The following TMEM127 variants were observed in gnomAD, a reference collection of about 807,000 sequenced individuals.
TMEM127 encodes transmembrane protein 127.
In TMEM127, 21 loss-of-function variants were observed where a neutral mutation model predicts 20.1. The observed-to-expected ratio is 1.04, with a 90% CI of 0.74 to 1.50. TMEM127 has a LOEUF of 1.50. Among genes scored for constraint, TMEM127 ranks in the 40% most tolerant of loss-of-function variants. The pLI, the probability that TMEM127 is intolerant of heterozygous loss-of-function variation, is 0.00. For missense variants in TMEM127, 303 were observed against 317.4 expected, an observed-to-expected ratio of 0.95 and a Z score of 0.34; for synonymous variants, 150 against 144.7, an observed-to-expected ratio of 1.04 and a Z score of -0.26.
rs1370524476 is a variant in TMEM127, at chr2:96,249,511, C to G, written c.*4297G>C. On this transcript the variant is annotated 3_prime_UTR_variant, in exon 4 of 4. Coordinates refer to ENST00000258439, the MANE Select transcript of TMEM127 (RefSeq NM_017849.4). ...CAGTGGCTCAAGCCTGTAATCCCAA[C>G]CCTTTGGGAAGGGAGGCAGAAGGAT... 3 of 227,726 alleles carry G rather than the reference C, an allele frequency of 1.3e-5. No homozygotes were observed. The highest frequency in any genetic ancestry group is 5.7e-5 in the Admixed American group (1 of 17,566). 14.1% of individuals were successfully genotyped at this position (227,726 alleles called of 1,614,324 possible).
intron 2 of TMEM127, 44 bp downstream of exon 2, chr2:96,265,094 T>C: frequency 6.2e-7 from 1 of 1,609,500 alleles, no homozygotes; most frequent in South Asian, 1.1e-5. Flanking sequence ...GAACACATTC[T>C]GTCCCCCACC....
In TMEM127 at chr2:96,254,024, G is replaced by C. The variant is rs1269059052; in HGVS notation, c.501C>G (p.Ser167=). 6.2e-7 allele frequency: 1 copy of C among 1,614,148 alleles called. No homozygotes were observed. Among genetic ancestry groups the C allele is most frequent in the Non-Finnish European group, 8.5e-7 (1 of 1,180,012 alleles). ...TAACGGCGAAGGTGACATAGACCTG[G>C]GATCCATGGTACTTCTTATGCTGCT... The part of the protein sequence containing the change: ...QQQQHKKYHG[S]QVYVTFAVSF... Residue 167 remains serine, a synonymous_variant, in exon 4 of 4, where the codon TCC becomes TCG. Transcript: ENST00000258439.
rs1684054289 is a variant in TMEM127, at chr2:96,250,007, T to G, written c.*3801A>C. 4.3e-6 allele frequency: 1 copy of G among 233,298 alleles called. No individual in the cohort carries two copies. Among genetic ancestry groups the G allele is most frequent in the Admixed American group, 5.6e-5 (1 of 17,792 alleles). 14.5% of individuals were successfully genotyped at this position (233,298 alleles called of 1,614,324 possible). On this transcript the variant is annotated 3_prime_UTR_variant, in exon 4 of 4. Transcript: ENST00000258439. ...AGACTGGGGCTCCCGCATTCCCAAC[T>G]CCAGCACCTGGCTGAGACACTGGGC...
rs1390368617 is a variant in TMEM127 at position 96,253,989 on chromosome 2, A to G, written c.536T>C (p.Leu179Pro). Residue 179 changes from leucine (L) to proline (P), a missense_variant, in exon 4 of 4, where the codon CTG becomes CCG. Leu to Pro is a moderately conservative substitution (Grantham distance 98). Transcript: ENST00000258439. This position sits in a 1 kb window ranked among gnomAD's most constrained non-coding sequence, Gnocchi z 4.3. ...VYVTFAVSFY[L>P]VAGAGGASIL... ...TGAGGCTCCACCAGCTCCTGCCACC[A>G]GGTAGAAGCTAACGGCGAAGGTGAC... 1 of 1,614,172 alleles carries G rather than the reference A, an allele frequency of 6.2e-7. No individual in the cohort carries two copies. The highest frequency in any genetic ancestry group is 8.5e-7 in the Non-Finnish European group (1 of 1,180,028).
chr2:96,265,527 A>AGC lies in TMEM127; in HGVS notation c.-131-16_-131-15insGC. The AGC allele has an allele frequency of 9.1e-7, 1 of 1,099,356 alleles. No individual in the cohort carries two copies. Among genetic ancestry groups the AGC allele is most frequent in the Non-Finnish European group, 1.2e-6 (1 of 863,424 alleles). The allele number at this position is 1,099,356 out of a possible 1,614,324, so 68.1% of individuals were successfully genotyped here. A position where few individuals can be genotyped will look rare whatever the true frequency, so the allele number is the denominator to read the frequency against. On this transcript the variant is annotated splice_polypyrimidine_tract_variant and intron_variant, in intron 1 of 3. Coordinates refer to ENST00000258439, the MANE Select transcript of TMEM127 (RefSeq NM_017849.4). ...CCGGGACTGGGCTGTCAGGGTTGAC[A>AGC]CCAGAGGATAGGGGGGTGGGACCCG... is the stretch of plus-strand genomic sequence containing the variant.
rs1684060599 is a variant in TMEM127, at chr2:96,250,293, C to A, written c.*3515G>T. 4.3e-6 allele frequency: 1 copy of A among 232,898 alleles called. No individual in the cohort carries two copies. The allele number at this position is 232,898 out of a possible 1,614,324, so 14.4% of individuals were successfully genotyped here. On this transcript the variant is annotated 3_prime_UTR_variant, in exon 4 of 4. Coordinates refer to ENST00000258439, the MANE Select transcript of TMEM127 (RefSeq NM_017849.4). ...GCTTTTGCTCTTGCCATTCTCTCAG[C>A]AGGAGTGTCCCTATCCCAGTTCACT... is the stretch of plus-strand genomic sequence containing the variant.
chr2:96,255,819 A>G (rs1004832615), intron 2 of TMEM127, among the ~76,000 whole-genome samples: 11 of 147,320 alleles, frequency 7.5e-5, no homozygotes, highest in Non-Finnish European at 1.4e-4. Context: ...CTCTTTGAGG[A>G]AAAAAAAAAA....
intron 2 of TMEM127, among the ~76,000 whole-genome samples, chr2:96,257,574 C>T (rs1453015492): frequency 2.6e-5 from 4 of 152,058 alleles, no homozygotes; most frequent in African/African-American, 7.2e-5. Context: ...AAAGGCTGAA[C>T]CAAAAAGAAA....
intron 2 of TMEM127, 53 bp downstream of exon 2, chr2:96,265,085 A>G (rs1257497257): frequency 6.8e-6 from 11 of 1,607,520 alleles, no homozygotes; most frequent in Non-Finnish European, 9.3e-6. Context: ...CTTCAGCCAG[A>G]ACACATTCTG....
At chr2:96,260,848 T>A (rs750230887) in intron 2 of TMEM127, among the ~76,000 whole-genome samples, 1 of 152,352 alleles carries the variant, frequency 6.6e-6, no homozygotes, top group African/African-American at 2.4e-5. Flanking sequence ...CACTGTGACC[T>A]TTTTAGCTTC....
intron 2 of TMEM127, among the ~76,000 whole-genome samples, chr2:96,255,711 C>A (rs914846250): frequency 6.6e-6 from 1 of 152,054 alleles, no homozygotes; most frequent in Non-Finnish European, 1.5e-5. Context: ...ATGAACTCAA[C>A]ACTTAAAATG....
At chr2:96,255,051 G>C (rs1684177280) in intron 2 of TMEM127, 54 bp from the exon 3 acceptor site, 1 of 1,609,016 alleles carries the variant, frequency 6.2e-7, no homozygotes, top group Non-Finnish European at 8.5e-7. Flanking sequence ...GGTGCAGGAA[G>C]TCCCCACCTA....
rs1573977723 is a variant in TMEM127 at position 96,265,211 on chromosome 2, G to A, written c.171C>T (p.His57=). ...ALAEPAWLHI[H]GGTCSRQELG... Reference sequence around the variant, plus strand: ...GCTCCTGGCGCGAACAGGTGCCTCCGTGGATGTGCAACCAGGCGGGCTCGG... The same window carrying A: ...GCTCCTGGCGCGAACAGGTGCCTCCATGGATGTGCAACCAGGCGGGCTCGG... The change falls in exon 2 of 4, where the codon CAC becomes CAT. Residue 57 remains histidine, a synonymous_variant. Transcript: ENST00000258439. The A allele has an allele frequency of 6.2e-7, 1 of 1,607,124 alleles. No individual in the cohort carries two copies. The highest frequency in any genetic ancestry group is 8.5e-7 in the Non-Finnish European group (1 of 1,178,460).
At position 96,265,520 on chromosome 2, in the gene TMEM127, G is replaced by T. The variant is rs1373193567; in HGVS notation, c.-131-8C>A. On this transcript the variant is annotated splice_polypyrimidine_tract_variant and splice_region_variant and intron_variant, in intron 1 of 3. Transcript: ENST00000258439. The stretch of plus-strand genomic sequence containing the variant: ...GGTGAAGCCGGGACTGGGCTGTCAG[G>T]GTTGACACCAGAGGATAGGGGGGTG... 7 of 1,151,846 alleles carry T rather than the reference G, an allele frequency of 6.1e-6. No homozygotes were observed. Among genetic ancestry groups the T allele is most frequent in the Middle Eastern group, 3.2e-4 (1 of 3,124 alleles). 71.4% of individuals were successfully genotyped at this position (1,151,846 alleles called of 1,614,324 possible). A position where few individuals can be genotyped will look rare whatever the true frequency, so the allele number is the denominator to read the frequency against.
In TMEM127 at chr2:96,252,849, C is replaced by T; in HGVS notation, c.*959G>A. On this transcript the variant is annotated 3_prime_UTR_variant, in exon 4 of 4. Transcript: ENST00000258439. This position sits in a 1 kb window ranked among gnomAD's most constrained non-coding sequence, Gnocchi z 4.2. ...TCCACGAGAAGGCCCCAGGGAGTCACCGTCACTGAGAGGGAAGGGGCCAGG... is the reference window on the plus strand; with the variant it reads ...TCCACGAGAAGGCCCCAGGGAGTCATCGTCACTGAGAGGGAAGGGGCCAGG... The T allele has an allele frequency of 4.3e-6, 1 of 233,934 alleles. No individual in the cohort carries two copies. The highest frequency in any genetic ancestry group is 6.0e-5 in the East Asian group (1 of 16,592). 14.5% of individuals were successfully genotyped at this position (233,934 alleles called of 1,614,324 possible). A position where few individuals can be genotyped will look rare whatever the true frequency, so the allele number is the denominator to read the frequency against.
rs1684087018 is a variant in TMEM127, at chr2:96,251,503, C to CA, written c.*2304dup. ...CCACGTTACACTCCAGCCCGGGTGA[C>CA]AGAGCGAGACTCTTGTCTCAAAAAC... On this transcript the variant is annotated 3_prime_UTR_variant, in exon 4 of 4. Transcript: ENST00000258439. 4.5e-6 allele frequency: 1 copy of CA among 224,288 alleles called. No individual in the cohort carries two copies. Among genetic ancestry groups the CA allele is most frequent in the Admixed American group, 5.7e-5 (1 of 17,416 alleles). 13.9% of individuals were successfully genotyped at this position (224,288 alleles called of 1,614,324 possible).
At position 96,249,980 on chromosome 2, in the gene TMEM127, A is replaced by G. The variant is rs1313730348; in HGVS notation, c.*3828T>C. ...TCCAGCTGCCACGTGACAGGTGGGC[A>G]GAGACTGGGGCTCCCGCATTCCCAA... is the stretch of plus-strand genomic sequence containing the variant. On this transcript the variant is annotated 3_prime_UTR_variant, in exon 4 of 4. Coordinates refer to ENST00000258439, the MANE Select transcript of TMEM127 (RefSeq NM_017849.4). 6 of 233,136 alleles carry G rather than the reference A, an allele frequency of 2.6e-5. No homozygotes were observed. Among genetic ancestry groups the G allele is most frequent in the African/African-American group, 1.1e-4 (5 of 45,324 alleles). 14.4% of individuals were successfully genotyped at this position (233,136 alleles called of 1,614,324 possible).
At position 96,253,580 on chromosome 2, in the gene TMEM127, G is replaced by A. The variant is rs1331656604; in HGVS notation, c.*228C>T. 3 of 567,600 alleles carry A rather than the reference G, an allele frequency of 5.3e-6. No homozygotes were observed. The highest frequency in any genetic ancestry group is 9.3e-6 in the Non-Finnish European group (3 of 321,584). 35.2% of individuals were successfully genotyped at this position (567,600 alleles called of 1,614,324 possible). A position where few individuals can be genotyped will look rare whatever the true frequency, so the allele number is the denominator to read the frequency against. On this transcript the variant is annotated 3_prime_UTR_variant, in exon 4 of 4. Transcript: ENST00000258439. This position sits in a 1 kb window ranked among gnomAD's most constrained non-coding sequence, Gnocchi z 4.3. The stretch of plus-strand genomic sequence containing the variant: ...ATGACTCGTGAATGTGAAGGGGGCA[G>A]GATGTGGCAGGAGGGAAAGAGTACA...
In TMEM127 at chr2:96,253,616, C is replaced by T; in HGVS notation, c.*192G>A. ...GAGGGAAAGAGTACATTATAGAAAA[C>T]CAGTGGACCTCCGGTTCTGAGAGCA... On this transcript the variant is annotated 3_prime_UTR_variant, in exon 4 of 4. Transcript: ENST00000258439. The surrounding 1 kb of genome is among the most constrained non-coding windows in gnomAD (Gnocchi z 4.3). The T allele has an allele frequency of 1.6e-6, 1 of 624,478 alleles. No homozygotes were observed. Among genetic ancestry groups the T allele is most frequent in the Non-Finnish European group, 2.8e-6 (1 of 362,548 alleles). 38.7% of individuals were successfully genotyped at this position (624,478 alleles called of 1,614,324 possible).
Sources: gnomAD v4.1 joint callset for allele counts (sites outside exome capture counted in the v4.1 genomes callset) on GRCh38, gnomAD v4.1.1 for gene constraint, Gnocchi (gnomAD v3.1) non-coding constraint, MANE v1.5 for transcripts, NCBI Gene and HGNC (gene_info 2026-07-23, HGNC 2026-07-21) for gene names.